Variants in CSE1L observed in about 807,000 individuals in gnomAD.
CSE1L encodes chromosome segregation 1 like.
CSE1L carries 24 observed loss-of-function variants against 120.4 expected under a neutral mutation model. That is an observed-to-expected ratio of 0.20 (90% confidence interval 0.14 to 0.28). The LOEUF (loss-of-function observed/expected upper bound fraction) is 0.28. Among genes scored for constraint, CSE1L ranks in the 10% least tolerant of loss-of-function variants. The pLI, the probability that CSE1L is intolerant of heterozygous loss-of-function variation, is 1.00. For missense variants in CSE1L, 830 were observed against 1,145.2 expected, an observed-to-expected ratio of 0.72 and a Z score of 3.97; for synonymous variants, 402 against 398.3, an observed-to-expected ratio of 1.01 and a Z score of -0.11.
intron 14 of CSE1L, among the ~76,000 whole-genome samples, chr20:49,082,968 C>G (rs1275114491): frequency 6.6e-6 from 1 of 151,990 alleles, no homozygotes; most frequent in Non-Finnish European, 1.5e-5. Flanking sequence ...TACGGGCATG[C>G]TCCACCGTAC....
chr20:49,068,354 C>T (rs999263274), intron 6 of CSE1L, among the ~76,000 whole-genome samples: 5 of 152,000 alleles, frequency 3.3e-5, no homozygotes, highest in African/African-American at 7.3e-5. Context: ...TTTGAGAGGC[C>T]GAGGCGGGCG....
intron 2 of CSE1L, among the ~76,000 whole-genome samples, chr20:49,062,558 A>G (rs1172669975): frequency 6.6e-6 from 1 of 152,076 alleles, no homozygotes; most frequent in Non-Finnish European, 1.5e-5. Context: ...TTTTAGTTCG[A>G]CAAGAAAGCT....
At chr20:49,076,927 T>C in intron 12 of CSE1L, 53 bp from the exon 13 acceptor site, 3 of 1,121,672 alleles carry the variant, frequency 2.7e-6, no homozygotes. Context: ...TCTAATGTGA[T>C]AGATATATAC....
intron 3 of CSE1L, among the ~76,000 whole-genome samples, chr20:49,064,792 A>G (rs2091878383): frequency 6.6e-6 from 1 of 151,238 alleles, no homozygotes; most frequent in South Asian, 2.1e-4. Flanking sequence ...TTGTAAAACT[A>G]GTGAGACTTA....
At chr20:49,075,569 C>T in intron 12 of CSE1L, 49 bp downstream of exon 12, 1 of 1,444,404 alleles carries the variant, frequency 6.9e-7, no homozygotes, top group Non-Finnish European at 9.7e-7. Flanking sequence ...ATCAGTGACA[C>T]CCACACAAGT....
At chr20:49,067,930 T>G (rs936947326) in intron 6 of CSE1L, among the ~76,000 whole-genome samples, 1 of 35,286 alleles carries the variant, frequency 2.8e-5, no homozygotes, top group Non-Finnish European at 4.8e-5. Context: ...CCCTCTCTCT[T>G]TTTTTTTTTT....
Position 49,075,417 on chromosome 20 carries a change from C to T in CSE1L, c.1232C>T (p.Ser411Phe). The T allele has an allele frequency of 6.2e-7, 1 of 1,613,936 alleles. No homozygotes were observed. Among genetic ancestry groups the T allele is most frequent in the Non-Finnish European group, 8.5e-7 (1 of 1,179,958 alleles). The change falls in exon 12 of 25, where the codon TCC becomes TTC. Residue 411 changes from serine to phenylalanine, a missense_variant. By Grantham distance (155) the Ser-to-Phe change is radical. This residue lies in a region of CSE1L where 543 missense variants were observed against 640.2 expected (regional missense o/e 0.85). Coordinates refer to ENST00000262982, the MANE Select transcript of CSE1L (RefSeq NM_001316.4). The stretch of plus-strand genomic sequence containing the variant: ...GGAATCTTCTCTGGTTATGTTAATT[C>T]CATGCTGCAGGAATACGCAAAAAAT... The part of the protein sequence containing the change: ...VTGIFSGYVN[S>F]MLQEYAKNPS...
At chr20:49,070,127 C>A in intron 7 of CSE1L, 78 bp from the exon 8 acceptor site, 2 of 673,290 alleles carry the variant, frequency 3.0e-6, no homozygotes, top group African/African-American at 1.8e-5. Flanking sequence ...AATGTTTTGT[C>A]CACGTGGTAA....
At chr20:49,074,713 T>C in intron 10 of CSE1L, 72 bp from the exon 11 acceptor site, 2 of 1,291,264 alleles carry the variant, frequency 1.5e-6, no homozygotes, top group Non-Finnish European at 2.2e-6. Context: ...TTACATACTC[T>C]TCTGCATTCT....
At chr20:49,072,772 T>C (rs2091942574) in intron 10 of CSE1L, 75 bp downstream of exon 10, 14 of 1,357,560 alleles carry the variant, frequency 1.0e-5, no homozygotes, top group Middle Eastern at 2.6e-4. Flanking sequence ...TCAGTCTAAT[T>C]CATTTATTAC....
At chr20:49,061,167 ATTT>A (rs3092068) in intron 2 of CSE1L, among the ~76,000 whole-genome samples, 15 of 116,286 alleles carry the variant, frequency 1.3e-4, no homozygotes, top group Non-Finnish European at 1.5e-4. Context: ...ACTATTAAAA[ATTT>A]TTTTTTTTTT....
At chr20:49,056,532 C>CT (rs1420203390) in intron 1 of CSE1L, among the ~76,000 whole-genome samples, 1 of 152,238 alleles carries the variant, frequency 6.6e-6, no homozygotes. Context: ...TTAGAACACT[C>CT]TGTCACCCCC....
chr20:49,087,498 C>T (rs1266986752), intron 16 of CSE1L, among the ~76,000 whole-genome samples: 1 of 151,868 alleles, frequency 6.6e-6, no homozygotes, highest in East Asian at 1.9e-4. Flanking sequence ...GCTGGGACTA[C>T]AGACGTGCAC....
At chr20:49,066,344 A>G (rs879301645) in intron 4 of CSE1L, 21 bp from the exon 5 acceptor site, 1 of 1,614,020 alleles carries the variant, frequency 6.2e-7, no homozygotes, top group African/African-American at 1.3e-5. Flanking sequence ...CTCTGATCTA[A>G]TTAATCTTTT....
chr20:49,078,992 C>T (rs903041493), intron 14 of CSE1L, among the ~76,000 whole-genome samples: 2 of 151,568 alleles, frequency 1.3e-5, no homozygotes, highest in African/African-American at 2.4e-5. Flanking sequence ...CCTGGGTTCA[C>T]GTGATTCTCC....
intron 4 of CSE1L, 30 bp from the exon 5 acceptor site, chr20:49,066,335 T>C (rs751766380): frequency 1.2e-6 from 2 of 1,614,144 alleles, no homozygotes; most frequent in Non-Finnish European, 1.7e-6. Context: ...TCTGTAAAGC[T>C]CTGATCTAAT....
intron 3 of CSE1L, 89 bp from the exon 4 acceptor site, chr20:49,066,102 TA>T: frequency 1.8e-6 from 2 of 1,085,072 alleles, no homozygotes; most frequent in Non-Finnish European, 2.7e-6. Context: ...AGAAAATTAG[TA>T]AATAAAAAAA....
At chr20:49,065,402 A>G (rs1220246830) in intron 3 of CSE1L, among the ~76,000 whole-genome samples, 1 of 125,946 alleles carries the variant, frequency 7.9e-6, no homozygotes, top group African/African-American at 3.1e-5. Context: ...GGCTCATTGC[A>G]GCCTCTGCCT....
Position 49,084,109 on chromosome 20 carries a change from A to G in CSE1L, c.1566A>G (p.Ala522=). ...AAAGTATTGTTGTTCATACTTACGCAGCTCATGCTCTTGAACGGCTCTTTA... is the reference window on the plus strand; with the variant it reads ...AAAGTATTGTTGTTCATACTTACGCGGCTCATGCTCTTGAACGGCTCTTTA... ...QAESIVVHTY[A]AHALERLFTM... Residue 522 remains alanine (A), a synonymous_variant, in exon 15 of 25, where the codon GCA becomes GCG. Coordinates refer to ENST00000262982, the MANE Select transcript of CSE1L (RefSeq NM_001316.4). The G allele has an allele frequency of 6.2e-7, 1 of 1,614,102 alleles. No individual in the cohort carries two copies. Among genetic ancestry groups the G allele is most frequent in the Non-Finnish European group, 8.5e-7 (1 of 1,179,968 alleles).
Sources: gnomAD v4.1 joint callset for allele counts (sites outside exome capture counted in the v4.1 genomes callset) on GRCh38, gnomAD v4.1.1 for gene constraint, gnomAD v4.1.1 regional missense constraint, MANE v1.5 for transcripts, NCBI Gene and HGNC (gene_info 2026-07-23, HGNC 2026-07-21) for gene names.